The following RAI1 variants were observed in gnomAD, a reference collection of about 807,000 sequenced individuals.
RAI1 encodes the protein retinoic acid induced 1, also known as retinoic acid-induced protein 1.
A neutral mutation model predicts 123.8 loss-of-function variants in RAI1; 9 were observed. That is an observed-to-expected ratio of 0.07 (90% CI 0.04 to 0.13). The LOEUF is 0.13. RAI1 is among the 10% of genes least tolerant of loss of function. RAI1 has a pLI of 1.00. For synonymous variants in RAI1, 1,231 were observed against 1,127.3 expected (o/e 1.09, Z -1.84); for missense variants, 2,256 against 2,545.8 (o/e 0.89, Z 2.45).
At position 17,810,691 on chromosome 17, in the gene RAI1, C is replaced by G. The variant is rs2032727127; in HGVS notation, c.*710C>G. ...GGGTTGCGGGATCCCCGAGTGTGGGCGGGACTGGGACACCCTTTGGCCTCT... is the reference window on the plus strand; with the variant it reads ...GGGTTGCGGGATCCCCGAGTGTGGGGGGGACTGGGACACCCTTTGGCCTCT... On this transcript the variant is annotated 3_prime_UTR_variant, in exon 6 of 6. Transcript: ENST00000353383. The surrounding 1 kb of genome is among the most constrained non-coding windows in gnomAD (Gnocchi z 4.6). 3.4e-5 allele frequency: 13 copies of G among 387,560 alleles called. No homozygotes were observed. Among genetic ancestry groups the G allele is most frequent in the South Asian group, 2.3e-4 (13 of 56,434 alleles). The allele number at this position is 387,560 out of a possible 1,614,324, so 24.0% of individuals were successfully genotyped here.
At chr17:17,690,623 C>T (rs1914805270) in intron 1 of RAI1, among the ~76,000 whole-genome samples, 1 of 152,184 alleles carries the variant, frequency 6.6e-6, no homozygotes, top group African/African-American at 2.4e-5. Context: ...AGCACTTAGC[C>T]AGTCCTGGGC....
intron 2 of RAI1, among the ~76,000 whole-genome samples, chr17:17,774,328 G>T (rs774846033): frequency 6.6e-6 from 1 of 152,258 alleles, no homozygotes; most frequent in Non-Finnish European, 1.5e-5. Context: ...AGCAGTGGGC[G>T]TCAGGTACTC....
intron 1 of RAI1, among the ~76,000 whole-genome samples, chr17:17,722,174 G>A (rs1243763433): frequency 1.3e-5 from 2 of 152,192 alleles, no homozygotes; most frequent in Non-Finnish European, 2.9e-5. Flanking sequence ...AGCCAGGGCT[G>A]ACACATCTGT....
rs1914410045 is a variant in RAI1, at chr17:17,681,483, C to G, written c.-459C>G. ...GCATTCCTCGCGGCACCCGCGGACA[C>G]CAGGCAGGCCCGGCCGGGTGCGCGG... On this transcript the variant is annotated 5_prime_UTR_variant, in exon 1 of 6. Coordinates refer to ENST00000353383, the MANE Select transcript of RAI1 (RefSeq NM_030665.4). 1 of 169,678 alleles carries G rather than the reference C, an allele frequency of 5.9e-6. No homozygotes were observed. Among genetic ancestry groups the G allele is most frequent in the South Asian group, 2.0e-4 (1 of 5,024 alleles). 10.5% of individuals were successfully genotyped at this position (169,678 alleles called of 1,614,324 possible).
Position 17,685,886 on chromosome 17 carries a change from C to T in RAI1, c.-149+4093C>T, listed in dbSNP as rs1474138561. Reference sequence around the variant, plus strand: ...CATGTGCATCCTTGCCTCTGTGCATCGGGCTGGGCTGTTCCTTCCACCTGG... The same window carrying T: ...CATGTGCATCCTTGCCTCTGTGCATTGGGCTGGGCTGTTCCTTCCACCTGG... On this transcript the variant is annotated intron_variant, in intron 1 of 5. Coordinates refer to ENST00000353383, the MANE Select transcript of RAI1 (RefSeq NM_030665.4). The surrounding 1 kb of genome is among the most constrained non-coding windows in gnomAD (Gnocchi z 4.0). Among the ~76,000 whole-genome samples the T allele has an allele frequency of 2.0e-5, 3 of 152,184 alleles. No homozygotes were observed. The highest frequency in any genetic ancestry group is 4.4e-5 in the Non-Finnish European group (3 of 68,032).
At chr17:17,806,518 T>C (rs2032596457) in intron 4 of RAI1, among the ~76,000 whole-genome samples, 1 of 152,186 alleles carries the variant, frequency 6.6e-6, no homozygotes, top group Middle Eastern at 3.2e-3. Flanking sequence ...GGTGTGGACG[T>C]GCAAATGGAG....
chr17:17,681,862 G>C (rs1385266903), intron 1 of RAI1, 69 bp downstream of exon 1: 2 of 232,400 alleles, frequency 8.6e-6, no homozygotes, highest in Non-Finnish European at 1.7e-5. Flanking sequence ...GGCGCGAGGC[G>C]TCGGGATCCT....
chr17:17,734,293 A>C (rs1232423668), intron 2 of RAI1, among the ~76,000 whole-genome samples: 4 of 150,522 alleles, frequency 2.7e-5, no homozygotes, highest in Non-Finnish European at 5.9e-5. Flanking sequence ...TTTTTTTTTA[A>C]TTTAGCCAGG....
Position 17,774,866 on chromosome 17 carries a change from G to A in RAI1, c.-16-18067G>A, listed in dbSNP as rs58944045. Among the ~76,000 whole-genome samples, 640 of 152,312 alleles carry A rather than the reference G, an allele frequency of 4.2e-3. 6 individuals are homozygous for A. Among genetic ancestry groups the A allele is most frequent in the African/African-American group, 0.015 (603 of 41,558 alleles). ...CATAATCTTGTGCCTGTTTGCAGAT[G>A]AGGAAACTGAGGCACAGGGAACTTG... On this transcript the variant is annotated intron_variant, in intron 2 of 5. Transcript: ENST00000353383.
At chr17:17,713,104 C>T (rs969635902) in intron 1 of RAI1, among the ~76,000 whole-genome samples, 2 of 152,066 alleles carry the variant, frequency 1.3e-5, no homozygotes, top group African/African-American at 4.8e-5. Flanking sequence ...TACCAAAACC[C>T]TGAGTTGTCC....
In RAI1 at chr17:17,810,173, G is replaced by A; in HGVS notation, c.*192G>A. 5.0e-6 allele frequency: 4 copies of A among 807,934 alleles called. No individual in the cohort carries two copies. Among genetic ancestry groups the A allele is most frequent in the South Asian group, 1.9e-5 (1 of 52,456 alleles). 50.0% of individuals were successfully genotyped at this position (807,934 alleles called of 1,614,324 possible). On this transcript the variant is annotated 3_prime_UTR_variant, in exon 6 of 6. Transcript: ENST00000353383. The surrounding 1 kb of genome is among the most constrained non-coding windows in gnomAD (Gnocchi z 4.6). ...CAGACTTGCGGCCCCGGGTTGGGAG[G>A]AAAACCCGTTCCGGAGCCGCCTGCT...
At chr17:17,764,535 C>T (rs776668474) in intron 2 of RAI1, among the ~76,000 whole-genome samples, 44 of 147,358 alleles carry the variant, frequency 3.0e-4, no homozygotes, top group Non-Finnish European at 5.6e-4. Flanking sequence ...TGCAGTGGTG[C>T]GATCTCGCCT....
intron 1 of RAI1, among the ~76,000 whole-genome samples, chr17:17,707,874 G>A (rs1807910909): frequency 6.6e-6 from 1 of 152,214 alleles, no homozygotes; most frequent in African/African-American, 2.4e-5. Flanking sequence ...GATCATAGGT[G>A]TGAGCCACCG....
chr17:17,709,197 G>A (rs952316347), intron 1 of RAI1, among the ~76,000 whole-genome samples: 3 of 152,222 alleles, frequency 2.0e-5, no homozygotes, highest in Admixed American at 2.0e-4. Context: ...CCCAAGGAGG[G>A]CGTAGCATCT....
intron 2 of RAI1, among the ~76,000 whole-genome samples, chr17:17,729,170 C>A (rs1274002272): frequency 6.6e-6 from 1 of 152,212 alleles, no homozygotes; most frequent in Non-Finnish European, 1.5e-5. Flanking sequence ...CCCCGTGAGG[C>A]TCAAGACACT....
At chr17:17,778,901 A>G (rs887337722) in intron 2 of RAI1, 14 of 456,784 alleles carry the variant, frequency 3.1e-5, no homozygotes, top group African/African-American at 2.6e-4. Flanking sequence ...CAGCAGCTGG[A>G]GGTGAGGCCT....
chr17:17,686,993 C>CT (rs927969420), intron 1 of RAI1, among the ~76,000 whole-genome samples: 18 of 152,016 alleles, frequency 1.2e-4, no homozygotes, highest in East Asian at 1.9e-4. Flanking sequence ...CGGTTTCTTT[C>CT]TTTTTTTTGA....
At chr17:17,694,874 T>C (rs1306983189) in intron 1 of RAI1, among the ~76,000 whole-genome samples, 2 of 151,794 alleles carry the variant, frequency 1.3e-5, no homozygotes, top group Non-Finnish European at 2.9e-5. Flanking sequence ...ATCCCGGGTC[T>C]TTTTCCGGGA....
At chr17:17,748,261 ATTG>A (rs2030004940) in intron 2 of RAI1, among the ~76,000 whole-genome samples, 1 of 152,324 alleles carries the variant, frequency 6.6e-6, no homozygotes, top group Non-Finnish European at 1.5e-5. Flanking sequence ...CAAATAAGTC[ATTG>A]TTGTCCCAGG....
Sources: gnomAD v4.1 joint callset for allele counts (sites outside exome capture counted in the v4.1 genomes callset) on GRCh38, gnomAD v4.1.1 for gene constraint, Gnocchi (gnomAD v3.1) non-coding constraint, MANE v1.5 for transcripts, NCBI Gene and HGNC (gene_info 2026-07-23, HGNC 2026-07-21) for gene names.